GRIN2B: variants seen among roughly 807,000 people sequenced by gnomAD.
GRIN2B encodes the protein glutamate ionotropic receptor NMDA type subunit 2B.
In GRIN2B, 5 loss-of-function variants were observed where a neutral mutation model predicts 114.5. That is an observed-to-expected ratio of 0.04 (90% confidence interval 0.02 to 0.09). The LOEUF (loss-of-function observed/expected upper bound fraction) is 0.09. Among genes scored for constraint, GRIN2B ranks in the 10% least tolerant of loss-of-function variants. The pLI is 1.00. For synonymous variants in GRIN2B, 787 were observed against 745.1 expected (o/e 1.06, Z -0.92); for missense variants, 1,108 against 1,943.5 (o/e 0.57, Z 8.08).
At chr12:13,842,580 T>C (rs1865396852) in intron 3 of GRIN2B, among the ~76,000 whole-genome samples, 1 of 152,214 alleles carries the variant, frequency 6.6e-6, no homozygotes, top group Admixed American at 6.5e-5. Context: ...CAGTGATTTG[T>C]ACCACATCTA....
intron 5 of GRIN2B, among the ~76,000 whole-genome samples, chr12:13,667,806 T>G (rs555331512): frequency 6.6e-6 from 1 of 152,306 alleles, no homozygotes; most frequent in South Asian, 2.1e-4. Context: ...GGAAAGAAAT[T>G]TTAAAATATA....
chr12:13,699,740 C>T (rs903612299), intron 4 of GRIN2B, among the ~76,000 whole-genome samples: 1 of 151,974 alleles, frequency 6.6e-6, no homozygotes, highest in Admixed American at 6.5e-5. Context: ...AGGTGTCTGC[C>T]ACCACACCCA....
chr12:13,699,877 G>A (rs922131287), intron 4 of GRIN2B, among the ~76,000 whole-genome samples: 24 of 99,602 alleles, frequency 2.4e-4, no homozygotes, highest in Admixed American at 4.0e-4. Flanking sequence ...ATGAGCCACC[G>A]CACCCAGCCT....
rs1051351411 is a variant in GRIN2B at position 13,546,570 on chromosome 12, T to C, written c.*16213A>G. On this transcript the variant is annotated 3_prime_UTR_variant, in exon 14 of 14. Transcript: ENST00000609686. ...TTTTTTTTCAACTCAGTGAAGAACA[T>C]TTCTCAGAACCAAGCTTTTTGTCTG... 4 of 152,206 alleles carry C rather than the reference T, an allele frequency of 2.6e-5. No individual in the cohort carries two copies. Among genetic ancestry groups the C allele is most frequent in the African/African-American group, 9.7e-5 (4 of 41,450 alleles). 9.4% of individuals were successfully genotyped at this position (152,206 alleles called of 1,614,324 possible). A position where few individuals can be genotyped will look rare whatever the true frequency, so the allele number is the denominator to read the frequency against.
chr12:13,715,593 C>T (rs1346930709), intron 4 of GRIN2B, among the ~76,000 whole-genome samples: 2 of 151,778 alleles, frequency 1.3e-5, no homozygotes. Flanking sequence ...ATAAATGGCT[C>T]ATTGAACTAT....
chr12:13,589,032 G>A lies in GRIN2B; in HGVS notation c.2011-17068C>T, dbSNP rs116792854. On this transcript the variant is annotated intron_variant, in intron 10 of 13. Transcript: ENST00000609686. ...CAGCATATCTCCAACGTCTCACAAG[G>A]TAGGGTTTCCATGACATTTTGGGAC... 2.6e-3 allele frequency among the ~76,000 whole-genome samples: 399 copies of A among 152,252 alleles called. 3 individuals are homozygous for A. The highest frequency in any genetic ancestry group is 9.2e-3 in the African/African-American group (383 of 41,544).
At chr12:13,721,352 T>C (rs1287346123) in intron 4 of GRIN2B, among the ~76,000 whole-genome samples, 2 of 151,048 alleles carry the variant, frequency 1.3e-5, no homozygotes, top group Admixed American at 6.6e-5. Context: ...CTGATTTCCT[T>C]AAAAAAAAAA....
chr12:13,667,007 A>C (rs915328292), intron 5 of GRIN2B, among the ~76,000 whole-genome samples: 1 of 152,212 alleles, frequency 6.6e-6, no homozygotes, highest in Non-Finnish European at 1.5e-5. Context: ...TGGTGAAAGA[A>C]GGGCATTGCT....
chr12:13,833,640 T>C (rs1416345647), intron 3 of GRIN2B, among the ~76,000 whole-genome samples: 1 of 152,182 alleles, frequency 6.6e-6, no homozygotes, highest in African/African-American at 2.4e-5. Context: ...AGGTAACTTT[T>C]AACAAACAGC....
At chr12:13,620,295 TCTTC>T (rs1949498438) in intron 5 of GRIN2B, among the ~76,000 whole-genome samples, 2 of 152,334 alleles carry the variant, frequency 1.3e-5, no homozygotes, top group South Asian at 4.1e-4. Context: ...AGCACAGTTC[TCTTC>T]CTTACGGGCC....
chr12:13,691,682 G>T (rs1057434306), intron 4 of GRIN2B, among the ~76,000 whole-genome samples: 1 of 152,122 alleles, frequency 6.6e-6, no homozygotes, highest in Admixed American at 6.5e-5. Context: ...AGGGGGTTGG[G>T]GTGAGTGTAG....
intron 5 of GRIN2B, among the ~76,000 whole-genome samples, chr12:13,620,752 T>C (rs7977091): frequency 0.96 from 146,230 of 152,148 alleles, 70,533 homozygotes; most frequent in East Asian, 1. Flanking sequence ...GACAGGGGCT[T>C]TCTACATCCT....
At chr12:13,966,076 T>G (rs948040434) in intron 2 of GRIN2B, among the ~76,000 whole-genome samples, 3 of 152,198 alleles carry the variant, frequency 2.0e-5, no homozygotes, top group African/African-American at 7.2e-5. Flanking sequence ...TTCTAGGTTT[T>G]TCTTCCTCTT....
At chr12:13,646,211 A>G (rs1366460444) in intron 5 of GRIN2B, among the ~76,000 whole-genome samples, 1 of 152,126 alleles carries the variant, frequency 6.6e-6, no homozygotes, top group African/African-American at 2.4e-5. Context: ...TTCTAATGAC[A>G]AGCTTTGGAA....
chr12:13,675,667 A>G, intron 5 of GRIN2B, 78 bp downstream of exon 5: 1 of 849,038 alleles, frequency 1.2e-6, no homozygotes, highest in Non-Finnish European at 2.1e-6. Flanking sequence ...AAGCCAAAGG[A>G]CTACTTTCCT....
intron 2 of GRIN2B, among the ~76,000 whole-genome samples, chr12:13,936,886 T>C (rs1867138417): frequency 6.6e-6 from 1 of 151,784 alleles, no homozygotes; most frequent in Non-Finnish European, 1.5e-5. Context: ...AACTAGAAAG[T>C]ACACTAACTG....
At chr12:13,713,284 C>A (rs1046537783) in intron 4 of GRIN2B, among the ~76,000 whole-genome samples, 1 of 151,800 alleles carries the variant, frequency 6.6e-6, no homozygotes, top group African/African-American at 2.4e-5. Context: ...TTAGCAGACA[C>A]TGATGATGTC....
At chr12:13,744,067 C>T (rs570903409) in intron 4 of GRIN2B, among the ~76,000 whole-genome samples, 1 of 152,324 alleles carries the variant, frequency 6.6e-6, no homozygotes, top group South Asian at 2.1e-4. Flanking sequence ...AACCACTTGA[C>T]TACTAAGTTT....
At chr12:13,871,791 GAAT>G (rs1865913318) in intron 2 of GRIN2B, among the ~76,000 whole-genome samples, 1 of 151,176 alleles carries the variant, frequency 6.6e-6, no homozygotes, top group South Asian at 2.1e-4. Flanking sequence ...TTGAAATAAT[GAAT>G]ATTATGAAAA....
Sources: allele counts gnomAD v4.1 joint callset (sites outside exome capture counted in the v4.1 genomes callset), GRCh38; gene constraint gnomAD v4.1.1; transcripts MANE v1.5; gene names NCBI Gene and HGNC (gene_info 2026-07-23, HGNC 2026-07-21).